NFIX: variants seen among roughly 807,000 people sequenced by gnomAD.
NFIX encodes the protein nuclear factor 1 X-type.
A neutral mutation model predicts 53.3 loss-of-function variants in NFIX; 2 were observed. The observed-to-expected ratio is 0.04, with a 90% confidence interval of 0.02 to 0.12. The LOEUF (loss-of-function observed/expected upper bound fraction) is 0.12. Ranked by LOEUF, NFIX falls within the 10% of genes least tolerant of loss-of-function variation. The probability of loss-of-function intolerance (pLI) is 1.00; values close to 1 mark genes in which losing one functional copy is unlikely to be tolerated. For missense variants in NFIX, 310 were observed against 674.5 expected, an observed-to-expected ratio of 0.46 and a Z score of 5.99; for synonymous variants, 244 against 289.0, an observed-to-expected ratio of 0.84 and a Z score of 1.58.
intron 1 of NFIX, among the ~76,000 whole-genome samples, chr19:13,003,972 G>A (rs1404631473): frequency 6.6e-6 from 1 of 152,060 alleles, no homozygotes; most frequent in Non-Finnish European, 1.5e-5. Flanking sequence ...ATGAAGTCTG[G>A]CTTTGTTGCC....
At position 13,040,440 on chromosome 19, in the gene NFIX, A is replaced by G. The variant is rs1011642495; in HGVS notation, c.559+14888A>G. On this transcript the variant is annotated intron_variant, in intron 2 of 10. Transcript: ENST00000592199. This position sits in a 1 kb window ranked among gnomAD's most constrained non-coding sequence, Gnocchi z 4.2. ...CGTGCCAGATCTTCCCTGCCACGCTAGCCTGGTGGATGCCCTGCGGCAGGG... is the reference window on the plus strand; with the variant it reads ...CGTGCCAGATCTTCCCTGCCACGCTGGCCTGGTGGATGCCCTGCGGCAGGG... 3.3e-5 allele frequency among the ~76,000 whole-genome samples: 5 copies of G among 152,228 alleles called. No homozygotes were observed. The highest frequency in any genetic ancestry group is 7.3e-5 in the Non-Finnish European group (5 of 68,036).
intron 10 of NFIX, among the ~76,000 whole-genome samples, chr19:13,091,165 C>T (rs969446905): frequency 2.6e-5 from 4 of 152,076 alleles, no homozygotes; most frequent in Admixed American, 6.5e-5. Flanking sequence ...GCTTTTACCA[C>T]CCAGGGTTTT....
chr19:13,086,720 G>T (rs553499998), intron 8 of NFIX, among the ~76,000 whole-genome samples: 1 of 152,206 alleles, frequency 6.6e-6, no homozygotes, highest in Admixed American at 6.5e-5. Flanking sequence ...TTCTGGGGTG[G>T]GTCAGGGGTT....
At chr19:13,050,024 A>G (rs1365607491) in intron 2 of NFIX, among the ~76,000 whole-genome samples, 2 of 152,228 alleles carry the variant, frequency 1.3e-5, no homozygotes, top group Non-Finnish European at 2.9e-5. Context: ...ACATGCATGT[A>G]CAAGCATTTA....
At chr19:13,044,175 T>C (rs957528486) in intron 2 of NFIX, among the ~76,000 whole-genome samples, 2 of 152,108 alleles carry the variant, frequency 1.3e-5, no homozygotes, top group African/African-American at 4.8e-5. Flanking sequence ...CAAGAGGCTT[T>C]TGAATTGCAG....
chr19:13,018,242 C>CAG (rs1410835726), intron 1 of NFIX, among the ~76,000 whole-genome samples: 1 of 147,578 alleles, frequency 6.8e-6, no homozygotes, highest in Non-Finnish European at 1.5e-5. Flanking sequence ...GTGCCTGGAG[C>CAG]AGAGGAGCAT....
intron 10 of NFIX, among the ~76,000 whole-genome samples, chr19:13,092,198 G>A (rs2145526150): frequency 6.6e-6 from 1 of 152,366 alleles, no homozygotes; most frequent in South Asian, 2.1e-4. Context: ...CAGATGGAGA[G>A]AGAACAATAG....
In NFIX at chr19:13,066,917, T is replaced by C. The variant is rs912550225; in HGVS notation, c.560-6130T>C. Among the ~76,000 whole-genome samples, 8 of 151,984 alleles carry C rather than the reference T, an allele frequency of 5.3e-5. No individual in the cohort carries two copies. Among genetic ancestry groups the C allele is most frequent in the African/African-American group, 1.9e-4 (8 of 41,342 alleles). ...TCAAGGACTTCCTTGGTCCCCTGAG[T>C]CTCCTGTCTGCTGAGACGGGGAGAA... On this transcript the variant is annotated intron_variant, in intron 2 of 10. Transcript: ENST00000592199. This position sits in a 1 kb window ranked among gnomAD's most constrained non-coding sequence, Gnocchi z 4.2.
rs2012217180 is a variant in NFIX, at chr19:13,009,561, G to C, written c.27+13697G>C. On this transcript the variant is annotated intron_variant, in intron 1 of 10. Coordinates refer to ENST00000592199, the MANE Select transcript of NFIX (RefSeq NM_001365902.3). The surrounding 1 kb of genome is among the most constrained non-coding windows in gnomAD (Gnocchi z 4.7). ...GCTCCTCCTTCTGGCCTTCCCATGG[G>C]AATTCCCTTCCTATTCCCCAGTTCT... 6.6e-6 allele frequency among the ~76,000 whole-genome samples: 1 copy of C among 152,164 alleles called. No individual in the cohort carries two copies. The highest frequency in any genetic ancestry group is 1.5e-5 in the Non-Finnish European group (1 of 68,028).
At chr19:13,056,909 C>A (rs577740058) in intron 2 of NFIX, among the ~76,000 whole-genome samples, 1 of 152,388 alleles carries the variant, frequency 6.6e-6, no homozygotes, top group East Asian at 1.9e-4. Flanking sequence ...TGATCTGAAA[C>A]AGGAGGTTCC....
intron 2 of NFIX, among the ~76,000 whole-genome samples, chr19:13,056,469 C>T (rs2015700821): frequency 6.6e-6 from 1 of 152,322 alleles, no homozygotes; most frequent in African/African-American, 2.4e-5. Flanking sequence ...TGGGCCCACC[C>T]ACCCGGTGGT....
chr19:12,995,895 G>A (rs1162916930), intron 1 of NFIX, 31 bp downstream of exon 1: 4 of 973,126 alleles, frequency 4.1e-6, no homozygotes, highest in Non-Finnish European at 4.9e-6. Context: ...GCGACCGGGG[G>A]AGGGGAGCGG....
Position 12,996,406 on chromosome 19 carries a change from C to G in NFIX, c.27+542C>G, listed in dbSNP as rs1303302021. On this transcript the variant is annotated intron_variant, in intron 1 of 10. Coordinates refer to ENST00000592199, the MANE Select transcript of NFIX (RefSeq NM_001365902.3). The surrounding 1 kb of genome is among the most constrained non-coding windows in gnomAD (Gnocchi z 5.2). ...CGTGGCGGCGGCCCTTGCGTGCGGC[C>G]GGGGTGCCTGGGGTGGGCCGAGCGG... Among the ~76,000 whole-genome samples, 1 of 151,048 alleles carries G rather than the reference C, an allele frequency of 6.6e-6. No homozygotes were observed. Among genetic ancestry groups the G allele is most frequent in the African/African-American group, 2.4e-5 (1 of 41,044 alleles).
intron 2 of NFIX, among the ~76,000 whole-genome samples, chr19:13,033,540 T>C (rs1599755129): frequency 6.6e-6 from 1 of 152,214 alleles, no homozygotes; most frequent in East Asian, 1.9e-4. Flanking sequence ...TAGCTGTTAT[T>C]TGGGGACACC....
Position 13,078,450 on chromosome 19 carries a change from C to A in NFIX, c.956-163C>A, listed in dbSNP as rs2017245767. 6.6e-6 allele frequency among the ~76,000 whole-genome samples: 1 copy of A among 152,206 alleles called. No homozygotes were observed. Among genetic ancestry groups the A allele is most frequent in the Admixed American group, 6.5e-5 (1 of 15,284 alleles). On this transcript the variant is annotated intron_variant, in intron 6 of 10. Coordinates refer to ENST00000592199, the MANE Select transcript of NFIX (RefSeq NM_001365902.3). The surrounding 1 kb of genome is among the most constrained non-coding windows in gnomAD (Gnocchi z 4.7). Reference sequence around the variant, plus strand: ...CAGGGCCTCGGAACCAGGCCTAGAACAAGGCCTGGGACTGGGCAAGGAGCA... The same window carrying A: ...CAGGGCCTCGGAACCAGGCCTAGAAAAAGGCCTGGGACTGGGCAAGGAGCA...
At chr19:13,069,318 A>G (rs1475516182) in intron 2 of NFIX, among the ~76,000 whole-genome samples, 1 of 152,204 alleles carries the variant, frequency 6.6e-6, no homozygotes, top group Non-Finnish European at 1.5e-5. Context: ...TCCAGGGGAC[A>G]TGGCCCCAGA....
intron 1 of NFIX, among the ~76,000 whole-genome samples, chr19:13,019,118 A>ATTT (rs34772188): frequency 3.9e-4 from 58 of 148,944 alleles, no homozygotes; most frequent in African/African-American, 1.3e-3. Flanking sequence ...GACACATAGG[A>ATTT]TTTTTTTTTT....
In NFIX at chr19:13,001,452, C is replaced by T. The variant is rs1253270022; in HGVS notation, c.27+5588C>T. Among the ~76,000 whole-genome samples, 2 of 152,052 alleles carry T rather than the reference C, an allele frequency of 1.3e-5. No homozygotes were observed. The highest frequency in any genetic ancestry group is 2.9e-5 in the Non-Finnish European group (2 of 68,022). ...AGTGTGCCGGATGTAGTCTCTGTGT[C>T]ACGGTGGCGCTGCGCACGTCAACGG... On this transcript the variant is annotated intron_variant, in intron 1 of 10. Transcript: ENST00000592199. The surrounding 1 kb of genome is among the most constrained non-coding windows in gnomAD (Gnocchi z 6.5).
At position 13,027,503 on chromosome 19, in the gene NFIX, C is replaced by T. The variant is rs990121076; in HGVS notation, c.559+1951C>T. Among the ~76,000 whole-genome samples the T allele has an allele frequency of 1.3e-4, 20 of 152,304 alleles. No individual in the cohort carries two copies. Among genetic ancestry groups the T allele is most frequent in the African/African-American group, 4.1e-4 (17 of 41,550 alleles). On this transcript the variant is annotated intron_variant, in intron 2 of 10. Transcript: ENST00000592199. The surrounding 1 kb of genome is among the most constrained non-coding windows in gnomAD (Gnocchi z 4.3). Reference sequence around the variant, plus strand: ...TACTCCTGCACAAGGGGATTCTGCACCTTCCAATTTTAGAACCAGGGGCTC... The same window carrying T: ...TACTCCTGCACAAGGGGATTCTGCATCTTCCAATTTTAGAACCAGGGGCTC...
Sources: gnomAD v4.1 joint callset for allele counts (sites outside exome capture counted in the v4.1 genomes callset) on GRCh38, gnomAD v4.1.1 for gene constraint, Gnocchi (gnomAD v3.1) non-coding constraint, MANE v1.5 for transcripts, NCBI Gene and HGNC (gene_info 2026-07-23, HGNC 2026-07-21) for gene names.